SLC6A8: variants seen among roughly 807,000 people sequenced by gnomAD.
SLC6A8 encodes the protein sodium- and chloride-dependent creatine transporter 1.
SLC6A8 carries 6 observed loss-of-function variants against 48.3 expected under a neutral mutation model. That is an observed-to-expected ratio of 0.12 (90% CI 0.07 to 0.25). SLC6A8 has a LOEUF of 0.25. SLC6A8 is among the 10% of genes least tolerant of loss of function. The pLI is 1.00. For missense variants in SLC6A8, 260 were observed against 551.5 expected, an observed-to-expected ratio of 0.47 and a Z score of 5.29; for synonymous variants, 245 against 244.0, an observed-to-expected ratio of 1.00 and a Z score of -0.04.
chrX:153,688,748 G>T lies in SLC6A8; in HGVS notation c.174G>T (p.Gln58His). Residue 58 changes from glutamine to histidine, a missense_variant, in exon 1 of 13, where the codon CAG becomes CAT. This residue lies in a region of SLC6A8 where 24 missense variants were observed against 52.0 expected (regional missense o/e 0.46). Transcript: ENST00000253122. ...AVPPRETWTR[Q>H]MDFIMSCVGF... is the part of the protein sequence containing the mutation. ...CGCCGCGCGAGACCTGGACGCGCCA[G>T]ATGGACTTCATCATGTCGTGCGTGG... 1 of 1,139,666 alleles carries T rather than the reference G, an allele frequency of 8.8e-7. No homozygotes were observed. Among genetic ancestry groups the T allele is most frequent in the South Asian group, 1.9e-5 (1 of 51,498 alleles). 93.9% of individuals were successfully genotyped at this position (1,139,666 alleles called of 1,213,427 possible).
chrX:153,695,391 C>A lies in SLC6A8; in HGVS notation c.*177C>A. ...ACAACTTTTTCCATTTTTAATAAAA[C>A]GCCAAAAATATCACAACCCACCAAA... On this transcript the variant is annotated 3_prime_UTR_variant, in exon 13 of 13. Transcript: ENST00000253122. 2.0e-6 allele frequency: 1 copy of A among 490,271 alleles called. No homozygotes were observed. Among genetic ancestry groups the A allele is most frequent in the Non-Finnish European group, 3.5e-6 (1 of 282,724 alleles). 40.4% of individuals were successfully genotyped at this position (490,271 alleles called of 1,213,427 possible). A position where few individuals can be genotyped will look rare whatever the true frequency, so the allele number is the denominator to read the frequency against.
chrX:153,692,571 G>A (rs782781994), intron 4 of SLC6A8: 244 of 337,579 alleles, frequency 7.2e-4, no homozygotes, highest in African/African-American at 6.1e-3. Flanking sequence ...GGAAGAGGGG[G>A]CAGACAGTGT....
chrX:153,694,720 G>A lies in SLC6A8; in HGVS notation c.1598G>A (p.Gly533Asp). Residue 533 changes from glycine (G) to aspartate (D), a missense_variant and splice_region_variant, in exon 12 of 13, where the codon GGC becomes GAC. Transcript: ENST00000253122. ...WSFFTPLVCM[G>D]IFIFNVVYYE... is the part of the protein sequence containing the mutation. ...TAACCGCAGCATTCTGGTCCGTAGG[G>A]CATCTTCATCTTCAACGTTGTGTAC... 1.7e-6 allele frequency: 2 copies of A among 1,210,845 alleles called. No homozygotes were observed. The highest frequency in any genetic ancestry group is 2.2e-6 in the Non-Finnish European group (2 of 895,329).
At position 153,693,457 on chromosome X, in the gene SLC6A8, C is replaced by G; in HGVS notation, c.1017-5C>G. ...CCCATCCACTCTGGCCCCTCCACCCCTCAGGGACGCCATCATCCTGGCTCT... is the reference window on the plus strand; with the variant it reads ...CCCATCCACTCTGGCCCCTCCACCCGTCAGGGACGCCATCATCCTGGCTCT... On this transcript the variant is annotated splice_region_variant and splice_polypyrimidine_tract_variant and intron_variant, in intron 6 of 12. Coordinates refer to ENST00000253122, the MANE Select transcript of SLC6A8 (RefSeq NM_005629.4). The G allele has an allele frequency of 8.3e-7, 1 of 1,211,327 alleles. No homozygotes were observed. The highest frequency in any genetic ancestry group is 1.1e-6 in the Non-Finnish European group (1 of 895,117).
rs370937021 is a variant in SLC6A8 at position 153,695,058 on chromosome X, T to C, written c.1768-16T>C. The C allele has an allele frequency of 2.5e-6, 3 of 1,193,657 alleles. No individual in the cohort carries two copies. Among genetic ancestry groups the C allele is most frequent in the Admixed American group, 2.2e-5 (1 of 44,518 alleles). On this transcript the variant is annotated splice_polypyrimidine_tract_variant and intron_variant, in intron 12 of 12. Transcript: ENST00000253122. ...AGGTGACCCTGGGGGCTTCAGCATGTCCTCCTCTCCTGCAGCGCTGGCAGC... is the reference window on the plus strand; with the variant it reads ...AGGTGACCCTGGGGGCTTCAGCATGCCCTCCTCTCCTGCAGCGCTGGCAGC...
Position 153,691,745 on chromosome X carries a change from G to T in SLC6A8, c.644+192G>T, listed in dbSNP as rs782622640. ...CTCCTGGGTTCGGCAGCCGATCACT[G>T]TCCTGGTCACTCCCCCCTGATGGGG... On this transcript the variant is annotated intron_variant, in intron 3 of 12. Transcript: ENST00000253122. 1.5e-4 allele frequency among the ~76,000 whole-genome samples: 17 copies of T among 113,034 alleles called. No homozygotes were observed. The South Asian group carries it at 5.4e-3, about 36-fold the overall frequency.
At chrX:153,690,657 C>G (rs1288638842) in intron 2 of SLC6A8, 151 bp downstream of exon 2, 70 of 640,983 alleles carry the variant, frequency 1.1e-4, no homozygotes, top group Non-Finnish European at 1.3e-4. Flanking sequence ...GTTCAGGCCG[C>G]ACAGCGAACT....
Position 153,693,085 on chromosome X carries a change from G to A in SLC6A8, c.822G>A (p.Val274=). The A allele has an allele frequency of 8.3e-7, 1 of 1,210,708 alleles. No homozygotes were observed. The highest frequency in any genetic ancestry group is 1.1e-6 in the Non-Finnish European group (1 of 894,888). ...CATTCCCCTACGTGGTCCTGGTCGTGCTGCTGGTGCGTGGAGTGCTGCTGC... is the reference window on the plus strand; with the variant it reads ...CATTCCCCTACGTGGTCCTGGTCGTACTGCTGGTGCGTGGAGTGCTGCTGC... ...TATFPYVVLV[V]LLVRGVLLPG... The change falls in exon 5 of 13, where the codon GTG becomes GTA. Residue 274 remains valine, a synonymous_variant. Coordinates refer to ENST00000253122, the MANE Select transcript of SLC6A8 (RefSeq NM_005629.4).
intron 3 of SLC6A8, 77 bp downstream of exon 3, chrX:153,691,630 C>A: frequency 2.6e-6 from 3 of 1,134,279 alleles, no homozygotes; most frequent in Non-Finnish European, 3.6e-6. Flanking sequence ...AGGGGAGTGG[C>A]CCTGAGGGGG....
rs2091433210 is a variant in SLC6A8 at position 153,688,299 on chromosome X, CG to C, written c.-273del. The C allele has an allele frequency of 9.7e-6, 1 of 103,161 alleles. No homozygotes were observed. The highest frequency in any genetic ancestry group is 2.0e-5 in the Non-Finnish European group (1 of 49,516). 8.5% of individuals were successfully genotyped at this position (103,161 alleles called of 1,213,427 possible). On this transcript the variant is annotated 5_prime_UTR_variant, in exon 1 of 13. Coordinates refer to ENST00000253122, the MANE Select transcript of SLC6A8 (RefSeq NM_005629.4). ...GCCGCCGCCGCCGCCGCCGCCCGGC[CG>C]GGCCCCGCCGCCGCCCGCGCGCCCC...
Position 153,688,760 on chromosome X carries a change from C to A in SLC6A8, c.186C>A (p.Ile62=). Residue 62 remains isoleucine (I), a synonymous_variant, in exon 1 of 13, where the codon ATC becomes ATA. Transcript: ENST00000253122. ...CCTGGACGCGCCAGATGGACTTCAT[C>A]ATGTCGTGCGTGGGCTTCGCCGTGG... The part of the protein sequence containing the change: ...RETWTRQMDF[I]MSCVGFAVGL... 8.8e-7 allele frequency: 1 copy of A among 1,139,871 alleles called. No homozygotes were observed. The highest frequency in any genetic ancestry group is 1.9e-5 in the South Asian group (1 of 51,349). The allele number at this position is 1,139,871 out of a possible 1,213,427, so 93.9% of individuals were successfully genotyped here.
At position 153,694,035 on chromosome X, in the gene SLC6A8, G is replaced by A. The variant is rs782096709; in HGVS notation, c.1254+18G>A. Reference sequence around the variant, plus strand: ...ACAGCCAGGTTTGCATGGGGCTCTGGGACAGGGAGCCAGGAGGGGGGCGGA... The same window carrying A: ...ACAGCCAGGTTTGCATGGGGCTCTGAGACAGGGAGCCAGGAGGGGGGCGGA... On this transcript the variant is annotated intron_variant, in intron 8 of 12. Transcript: ENST00000253122. 6.2e-5 allele frequency: 73 copies of A among 1,179,888 alleles called. No homozygotes were observed. The South Asian group carries it at 8.2e-4, about 13-fold the overall frequency.
At chrX:153,696,590 C>G, downstream of SLC6A8, 1 of 292,674 alleles carries the variant, frequency 3.4e-6, no homozygotes, top group Non-Finnish European at 6.7e-6. Flanking sequence ...TTTTCCAAAG[C>G]AGGCTCCTGC....
At chrX:153,692,475 G>A (rs1275532394) in intron 4 of SLC6A8, 3 of 345,484 alleles carry the variant, frequency 8.7e-6, no homozygotes, top group South Asian at 2.6e-5. Context: ...GTCAGGCTGG[G>A]GAGTCACCTG....
intron 8 of SLC6A8, 52 bp downstream of exon 8, chrX:153,694,069 T>C (rs782401057): frequency 2.3e-5 from 27 of 1,197,103 alleles, no homozygotes; most frequent in Non-Finnish European, 2.9e-5. Flanking sequence ...GAGGGAGGGC[T>C]GCAGGCAAGG....
At chrX:153,691,741 C>T (rs1557044515) in intron 3 of SLC6A8, among the ~76,000 whole-genome samples, 188 bp downstream of exon 3, 1 of 113,016 alleles carries the variant, frequency 8.8e-6, no homozygotes, top group Non-Finnish European at 1.9e-5. Context: ...GGCAGCCGAT[C>T]ACTGTCCTGG....
intron 2 of SLC6A8, chrX:153,690,859 G>A (rs1437203478): frequency 3.5e-5 from 9 of 258,843 alleles, no homozygotes; most frequent in South Asian, 1.7e-4. Flanking sequence ...CTGCAGGGGC[G>A]ACTGTCTCCA....
At chrX:153,692,309 G>A (rs1214607336) in intron 4 of SLC6A8, 4 of 487,818 alleles carry the variant, frequency 8.2e-6, no homozygotes, top group African/African-American at 4.7e-5. Context: ...GGCCCTGGCA[G>A]GCACTGTCCC....
Position 153,695,465 on chromosome X carries a change from C to T in SLC6A8, c.*251C>T, listed in dbSNP as rs1270815452. 4.2e-5 allele frequency: 17 copies of T among 403,583 alleles called. No homozygotes were observed. The highest frequency in any genetic ancestry group is 4.3e-5 in the East Asian group (1 of 23,435). The allele number at this position is 403,583 out of a possible 1,213,427, so 33.3% of individuals were successfully genotyped here. On this transcript the variant is annotated 3_prime_UTR_variant, in exon 13 of 13. Transcript: ENST00000253122. ...CCCTAGCCGAGCTGGTCCTAGGCCC[C>T]GCCTAGTGCCCCACCCCCACCCACA...
Sources: allele counts gnomAD v4.1 joint callset (sites outside exome capture counted in the v4.1 genomes callset), GRCh38; gene constraint gnomAD v4.1.1; regional missense constraint gnomAD v4.1.1; transcripts MANE v1.5; gene names NCBI Gene and HGNC (gene_info 2026-07-23, HGNC 2026-07-21).